The following ZC3H3 variants were observed in gnomAD, a reference collection of about 807,000 sequenced individuals.
ZC3H3 encodes the protein zinc finger CCCH-type containing 3.
In ZC3H3, 36 loss-of-function variants were observed where a neutral mutation model predicts 77.3. The observed-to-expected ratio is 0.47, with a 90% CI of 0.36 to 0.61. ZC3H3 has a LOEUF of 0.61. Among genes scored for constraint, ZC3H3 ranks in the 20% least tolerant of loss-of-function variants. The pLI, the probability that ZC3H3 is intolerant of heterozygous loss-of-function variation, is 0.00. For missense variants in ZC3H3, 1,331 were observed against 1,312.2 expected (o/e 1.01, Z -0.22); for synonymous variants, 626 against 555.2 (o/e 1.13, Z -1.79).
rs543598763 is a variant in ZC3H3, at chr8:143,476,900, C to T, written c.1716-1315G>A. On this transcript the variant is annotated intron_variant, in intron 4 of 11. Coordinates refer to ENST00000262577, the MANE Select transcript of ZC3H3 (RefSeq NM_015117.3). ...CGCAGGAGACCCTTTTCCAGCTGGT[C>T]TGGGCCAGGGTGGGGTGCCCCCTAG... Among the ~76,000 whole-genome samples, 16 of 152,356 alleles carry T rather than the reference C, an allele frequency of 1.1e-4. No individual in the cohort carries two copies. In the East Asian group the frequency reaches 3.1e-3, roughly 29 times the overall value.
intron 10 of ZC3H3, among the ~76,000 whole-genome samples, chr8:143,440,610 A>G (rs1191419747): frequency 6.6e-6 from 1 of 152,056 alleles, no homozygotes; most frequent in Non-Finnish European, 1.5e-5. Flanking sequence ...ATGGGGCTCC[A>G]CACCCACATG....
At chr8:143,523,647 T>C (rs1439184046) in intron 3 of ZC3H3, 5 of 650,268 alleles carry the variant, frequency 7.7e-6, no homozygotes, top group Non-Finnish European at 9.5e-6. Flanking sequence ...AGGCAGACCC[T>C]CTGCTGCATT....
chr8:143,525,996 G>A (rs57454270), intron 3 of ZC3H3, among the ~76,000 whole-genome samples: 17,867 of 152,264 alleles, frequency 0.12, 1,346 homozygotes, highest in Admixed American at 0.2. Flanking sequence ...CAGAGCCCAG[G>A]GTGCTGGCAC....
chr8:143,523,640 C>T, intron 3 of ZC3H3: 1 of 712,052 alleles, frequency 1.4e-6, no homozygotes, highest in Non-Finnish European at 1.7e-6. Flanking sequence ...CTTGGGCAGG[C>T]AGACCCTCTG....
intron 3 of ZC3H3, among the ~76,000 whole-genome samples, chr8:143,522,379 G>A (rs1822275479): frequency 1.3e-5 from 2 of 152,206 alleles, no homozygotes; most frequent in Admixed American, 1.3e-4. Context: ...AAGGCCGGAG[G>A]ATTACCTGAG....
At position 143,538,301 on chromosome 8, in the gene ZC3H3, C is replaced by T. The variant is rs777810790; in HGVS notation, c.1066G>A (p.Asp356Asn). The T allele has an allele frequency of 5.1e-5, 83 of 1,612,832 alleles. 1 individual carries two copies. The highest frequency in any genetic ancestry group is 4.9e-4 in the Middle Eastern group (3 of 6,084). Reference sequence around the variant, plus strand: ...GGCTTCCTGGGCTTGGGCTCTGGGTCAGCTATGAGCTGCGGCTTCTCCACC... The same window carrying T: ...GGCTTCCTGGGCTTGGGCTCTGGGTTAGCTATGAGCTGCGGCTTCTCCACC... Reference protein sequence around the residue: ...NKVEKPQLIADPEPKPRKPAT... With the variant: ...NKVEKPQLIANPEPKPRKPAT... Residue 356 changes from aspartate to asparagine, a missense_variant, in exon 2 of 12, where the codon GAC becomes AAC. By Grantham distance (23) the Asp-to-Asn change is conservative. Around this residue, in one of 3 missense-constraint regions of ZC3H3, gnomAD observed 978 missense variants for 915.5 expected, o/e 1.07. Coordinates refer to ENST00000262577, the MANE Select transcript of ZC3H3 (RefSeq NM_015117.3).
chr8:143,479,212 C>A (rs376336210), intron 4 of ZC3H3, among the ~76,000 whole-genome samples: 1 of 152,232 alleles, frequency 6.6e-6, no homozygotes, highest in East Asian at 1.9e-4. Flanking sequence ...CTCGCCCTGG[C>A]TGCCTGGCTG....
rs147713663 is a variant in ZC3H3, at chr8:143,525,355, C to T, written c.1561+10902G>A. 7.9e-3 allele frequency among the ~76,000 whole-genome samples: 1,197 copies of T among 152,362 alleles called. 38 individuals are homozygous for T. Among genetic ancestry groups the T allele is most frequent in the Admixed American group, 0.05 (768 of 15,308 alleles). ...TGAGGGGTGGCAGGTGGTGCAGGCA[C>T]GGGCGTGGGCGCGGTCTCCTCTTCA... On this transcript the variant is annotated intron_variant, in intron 3 of 11. Coordinates refer to ENST00000262577, the MANE Select transcript of ZC3H3 (RefSeq NM_015117.3).
At position 143,532,045 on chromosome 8, in the gene ZC3H3, G is replaced by C. The variant is rs150876636; in HGVS notation, c.1561+4212C>G. 2.3e-3 allele frequency among the ~76,000 whole-genome samples: 351 copies of C among 152,344 alleles called. 2 individuals are homozygous for C. The highest frequency in any genetic ancestry group is 7.8e-3 in the African/African-American group (326 of 41,594). On this transcript the variant is annotated intron_variant, in intron 3 of 11. Coordinates refer to ENST00000262577, the MANE Select transcript of ZC3H3 (RefSeq NM_015117.3). ...ATAGTAACTCAGGGGAGATGGGATC[G>C]CTTTCTCCTGGCCGTAGCCTTTTGG... is the stretch of plus-strand genomic sequence containing the variant.
intron 4 of ZC3H3, chr8:143,484,843 C>G (rs1364089587): frequency 2.2e-6 from 1 of 454,466 alleles, no homozygotes; most frequent in Non-Finnish European, 4.4e-6. Flanking sequence ...CTCCCAGGCC[C>G]TGGGACAGCC....
intron 8 of ZC3H3, among the ~76,000 whole-genome samples, chr8:143,467,230 G>A (rs370546719): frequency 2.3e-4 from 35 of 152,242 alleles, no homozygotes; most frequent in African/African-American, 7.9e-4. Context: ...TACAGCAAAC[G>A]GAGCTCCTCT....
At position 143,437,958 on chromosome 8, in the gene ZC3H3, T is replaced by G. The variant is rs1586864293; in HGVS notation, c.*98A>C. The G allele has an allele frequency of 6.7e-7, 1 of 1,499,346 alleles. No individual in the cohort carries two copies. The highest frequency in any genetic ancestry group is 9.1e-7 in the Non-Finnish European group (1 of 1,099,650). 92.9% of individuals were successfully genotyped at this position (1,499,346 alleles called of 1,614,324 possible). A position where few individuals can be genotyped will look rare whatever the true frequency, so the allele number is the denominator to read the frequency against. On this transcript the variant is annotated 3_prime_UTR_variant, in exon 12 of 12. Transcript: ENST00000262577. Reference sequence around the variant, plus strand: ...CCTGTGGCCCCCAGGTGAGGCTTGGTGGCGGGCGGCCCTCCTGTGGGGTAG... The same window carrying G: ...CCTGTGGCCCCCAGGTGAGGCTTGGGGGCGGGCGGCCCTCCTGTGGGGTAG...
rs149317834 is a variant in ZC3H3, at chr8:143,530,921, G to C, written c.1561+5336C>G. ...CTGCAGCCTCCAGCAAACATTACTC[G>C]CCCAGGCCACCCTTCTGGGGCTGTC... On this transcript the variant is annotated intron_variant, in intron 3 of 11. Transcript: ENST00000262577. The surrounding 1 kb of genome is among the most constrained non-coding windows in gnomAD (Gnocchi z 4.3). Among the ~76,000 whole-genome samples the C allele has an allele frequency of 6.7e-6, 1 of 148,756 alleles. No homozygotes were observed. The highest frequency in any genetic ancestry group is 1.5e-5 in the Non-Finnish European group (1 of 67,472).
chr8:143,499,735 C>T (rs1327755806), intron 4 of ZC3H3, among the ~76,000 whole-genome samples: 4 of 152,164 alleles, frequency 2.6e-5, no homozygotes, highest in Non-Finnish European at 5.9e-5. Context: ...CCACCCTCCA[C>T]GGAGGCCCTG....
Position 143,466,345 on chromosome 8 carries a change from G to C in ZC3H3, c.2176-497C>G, listed in dbSNP as rs538368768. Among the ~76,000 whole-genome samples, 4 of 152,312 alleles carry C rather than the reference G, an allele frequency of 2.6e-5. No homozygotes were observed. In the South Asian group the frequency reaches 8.3e-4, roughly 32 times the overall value. On this transcript the variant is annotated intron_variant, in intron 8 of 11. Coordinates refer to ENST00000262577, the MANE Select transcript of ZC3H3 (RefSeq NM_015117.3). ...CCACAGGCAGTGTCCCTGGGCTCTA[G>C]GTGGGCAGGAGCCACCTGGAAGCAG...
Position 143,460,119 on chromosome 8 carries a change from G to T in ZC3H3, c.2307+5598C>A, listed in dbSNP as rs761688342. ...AAATTAGCTGGGTTTGGTGGCACAT[G>T]CACCTGTAGTCCCAGCTACTTGGGA... On this transcript the variant is annotated intron_variant, in intron 9 of 11. Coordinates refer to ENST00000262577, the MANE Select transcript of ZC3H3 (RefSeq NM_015117.3). This position sits in a 1 kb window ranked among gnomAD's most constrained non-coding sequence, Gnocchi z 4.0. Among the ~76,000 whole-genome samples the T allele has an allele frequency of 2.6e-5, 4 of 151,990 alleles. No individual in the cohort carries two copies. The highest frequency in any genetic ancestry group is 4.4e-5 in the Non-Finnish European group (3 of 67,984).
In ZC3H3 at chr8:143,495,762, CTTT is replaced by C. The variant is rs77825264; in HGVS notation, c.1715+11981_1715+11983del. Among the ~76,000 whole-genome samples the C allele has an allele frequency of 1.2e-4, 17 of 139,482 alleles. No individual in the cohort carries two copies. In the South Asian group the frequency reaches 2.1e-3, roughly 17 times the overall value. The allele number at this position is 139,482 out of a possible 152,430, so 91.5% of individuals were successfully genotyped here. ...TGCCTGGCTAATTTTTCTTTTCTTT[CTTT>C]TTTTTTTTTTTTTAACTGTAGAGAC... On this transcript the variant is annotated intron_variant, in intron 4 of 11. Transcript: ENST00000262577.
chr8:143,448,827 C>A (rs565726235), intron 9 of ZC3H3, among the ~76,000 whole-genome samples: 1 of 152,232 alleles, frequency 6.6e-6, no homozygotes, highest in Non-Finnish European at 1.5e-5. Context: ...AGGGCTTGAC[C>A]CCTGCAGTAG....
chr8:143,444,178 G>A (rs1217892923), intron 9 of ZC3H3, among the ~76,000 whole-genome samples: 1 of 152,058 alleles, frequency 6.6e-6, no homozygotes, highest in Admixed American at 6.6e-5. Context: ...GTTTCACCTT[G>A]TTAGCCAGGA....
Sources: allele counts gnomAD v4.1 joint callset (sites outside exome capture counted in the v4.1 genomes callset), GRCh38; gene constraint gnomAD v4.1.1; regional missense constraint gnomAD v4.1.1; non-coding constraint Gnocchi (gnomAD v3.1); transcripts MANE v1.5; gene names NCBI Gene and HGNC (gene_info 2026-07-23, HGNC 2026-07-21).